ARID5B: variants seen among roughly 807,000 people sequenced by gnomAD.
The protein encoded by ARID5B is AT-rich interactive domain-containing protein 5B.
In ARID5B, 13 loss-of-function variants were observed where a neutral mutation model predicts 97.2. That is an observed-to-expected ratio of 0.13 (90% CI 0.09 to 0.21). The LOEUF (loss-of-function observed/expected upper bound fraction) is 0.21. ARID5B is among the 10% of genes least tolerant of loss of function. The probability of loss-of-function intolerance (pLI) is 1.00; values close to 1 mark genes in which losing one functional copy is unlikely to be tolerated. For synonymous variants in ARID5B, 556 were observed against 570.3 expected (o/e 0.97, Z 0.36); for missense variants, 1,210 against 1,465.3 (o/e 0.83, Z 2.84).
chr10:61,975,710 A>G (rs542084304), intron 3 of ARID5B, among the ~76,000 whole-genome samples: 2 of 152,300 alleles, frequency 1.3e-5, no homozygotes, highest in South Asian at 4.1e-4. Flanking sequence ...TTGTCATTGC[A>G]TTACTCTTAC....
chr10:62,049,585 G>C (rs1839758140), intron 4 of ARID5B: 1 of 1,482,742 alleles, frequency 6.7e-7, no homozygotes, highest in Admixed American at 2.0e-5. Flanking sequence ...CCAGCGTTTA[G>C]GGGAATGAGA....
intron 2 of ARID5B, among the ~76,000 whole-genome samples, chr10:61,935,760 A>G (rs1178097250): frequency 1.3e-5 from 2 of 152,230 alleles, no homozygotes; most frequent in African/African-American, 4.8e-5. Flanking sequence ...ATATAAACTC[A>G]TTATGTAAAT....
At chr10:61,922,241 C>T (rs534456616) in intron 2 of ARID5B, among the ~76,000 whole-genome samples, 6 of 152,094 alleles carry the variant, frequency 3.9e-5, no homozygotes, top group South Asian at 2.1e-4. Context: ...GATGAGAAAT[C>T]GGCAGAGAGA....
intron 8 of ARID5B, among the ~76,000 whole-genome samples, chr10:62,076,907 C>T (rs1840145353): frequency 6.6e-6 from 1 of 152,184 alleles, no homozygotes; most frequent in African/African-American, 2.4e-5. Context: ...CAGTCCTGAC[C>T]TGTGGCCCCT....
chr10:62,085,868 G>C lies in ARID5B; in HGVS notation c.1366G>C (p.Glu456Gln), dbSNP rs1198909219. The stretch of plus-strand genomic sequence containing the variant: ...AATACCTAAAAGCAAGAAAGAAAAA[G>C]AAAATGCCCCAAAGCCCCAGGATGC... ...HEIPKSKKEK[E>Q]NAPKPQDAAE... Residue 456 changes from glutamate (E) to glutamine (Q), a missense_variant, in exon 9 of 10, where the codon GAA becomes CAA. Coordinates refer to ENST00000279873, the MANE Select transcript of ARID5B (RefSeq NM_032199.3). The C allele has an allele frequency of 3.7e-6, 6 of 1,613,556 alleles. No individual in the cohort carries two copies. Among genetic ancestry groups the C allele is most frequent in the Non-Finnish European group, 5.1e-6 (6 of 1,179,928 alleles).
intron 4 of ARID5B, chr10:62,024,858 G>A (rs960310153): frequency 5.5e-6 from 2 of 363,414 alleles, no homozygotes; most frequent in Non-Finnish European, 4.9e-6. Context: ...TTAAAATATC[G>A]AGAATGGCTC....
intron 2 of ARID5B, among the ~76,000 whole-genome samples, chr10:61,930,587 G>A (rs1240412709): frequency 6.6e-6 from 1 of 151,898 alleles, no homozygotes; most frequent in Non-Finnish European, 1.5e-5. Flanking sequence ...GGGTGTGATG[G>A]CGGGCACCTG....
intron 2 of ARID5B, among the ~76,000 whole-genome samples, chr10:61,906,074 C>T (rs1026941232): frequency 6.6e-5 from 10 of 152,076 alleles, no homozygotes; most frequent in African/African-American, 1.9e-4. Flanking sequence ...AAAATGGGAA[C>T]AAAGTAGGGA....
chr10:61,985,967 A>G (rs535863579), intron 3 of ARID5B, among the ~76,000 whole-genome samples: 4 of 152,188 alleles, frequency 2.6e-5, no homozygotes, highest in Non-Finnish European at 4.4e-5. Flanking sequence ...TGAACACAAG[A>G]CTGGAAGAGA....
intron 4 of ARID5B, among the ~76,000 whole-genome samples, chr10:62,032,234 G>T (rs1412785417): frequency 3.3e-5 from 5 of 152,170 alleles, no homozygotes; most frequent in Non-Finnish European, 7.3e-5. Flanking sequence ...TCGGAGGATT[G>T]CTTGAGCCCA....
In ARID5B at chr10:61,902,176, T is replaced by C; in HGVS notation, c.39T>C (p.Cys13=). 6.2e-7 allele frequency: 1 copy of C among 1,612,890 alleles called. No homozygotes were observed. The highest frequency in any genetic ancestry group is 1.7e-5 in the Admixed American group (1 of 60,012). Residue 13 remains cysteine (C), a synonymous_variant, in exon 2 of 10, where the codon TGT becomes TGC. Coordinates refer to ENST00000279873, the MANE Select transcript of ARID5B (RefSeq NM_032199.3). ...CCCTGCAGTGGGTCGGCTCACCGTG[T>C]GGCTTGCACGGACCTTACATTTTCT... ...PNSLQWVGSP[C]GLHGPYIFYK...
At chr10:61,985,421 G>A (rs1838833779) in intron 3 of ARID5B, among the ~76,000 whole-genome samples, 1 of 151,888 alleles carries the variant, frequency 6.6e-6, no homozygotes, top group South Asian at 2.1e-4. Context: ...TTCCCTTGGT[G>A]TCTGACCAGC....
At position 62,091,275 on chromosome 10, in the gene ARID5B, G is replaced by A. The variant is rs117297247; in HGVS notation, c.1812G>A (p.Pro604=). The A allele has an allele frequency of 4.4e-3, 7,162 of 1,614,140 alleles. 243 individuals carry two copies. The East Asian group carries it at 0.064, about 14-fold the overall frequency. ...SFPSFPTTQP[P]LANQNETEDD... ...CCAGCTTCCCCACCACACAGCCACC[G>A]CTGGCAAACCAGAATGAGACGGAGG... is the stretch of plus-strand genomic sequence containing the variant. The change falls in exon 10 of 10, where the codon CCG becomes CCA. Residue 604 remains proline, a synonymous_variant. Coordinates refer to ENST00000279873, the MANE Select transcript of ARID5B (RefSeq NM_032199.3).
At chr10:61,973,374 A>G (rs1255251709) in intron 3 of ARID5B, among the ~76,000 whole-genome samples, 1 of 152,214 alleles carries the variant, frequency 6.6e-6, no homozygotes, top group Non-Finnish European at 1.5e-5. Context: ...TATCCTGATG[A>G]TGTCACAATG....
intron 2 of ARID5B, among the ~76,000 whole-genome samples, chr10:61,910,088 A>G (rs374118155): frequency 6.6e-6 from 1 of 152,230 alleles, no homozygotes; most frequent in Non-Finnish European, 1.5e-5. Flanking sequence ...ACTAAGCCAC[A>G]TGTTTGATAG....
At chr10:62,056,931 G>C (rs1221018783) in intron 5 of ARID5B, among the ~76,000 whole-genome samples, 186 bp from the exon 6 acceptor site, 2 of 152,154 alleles carry the variant, frequency 1.3e-5, no homozygotes, top group Non-Finnish European at 2.9e-5. Context: ...ACAGAAATTT[G>C]ACATCCCCTG....
intron 4 of ARID5B, among the ~76,000 whole-genome samples, chr10:62,025,674 G>T (rs903439749): frequency 1.3e-5 from 2 of 152,152 alleles, no homozygotes; most frequent in Non-Finnish European, 2.9e-5. Flanking sequence ...AATCACTCTT[G>T]ATCAAGTCAC....
At chr10:61,905,303 A>G (rs764937078) in intron 2 of ARID5B, among the ~76,000 whole-genome samples, 2 of 152,240 alleles carry the variant, frequency 1.3e-5, no homozygotes, top group Non-Finnish European at 2.9e-5. Flanking sequence ...AGGACTCAGT[A>G]TGCTTTTTTT....
chr10:62,032,357 T>A (rs959150092), intron 4 of ARID5B, among the ~76,000 whole-genome samples: 12 of 152,160 alleles, frequency 7.9e-5, no homozygotes, highest in Non-Finnish European at 1.8e-4. Flanking sequence ...CTATTTAATG[T>A]CAGGAACTAT....
Sources: gnomAD v4.1 joint callset for allele counts (sites outside exome capture counted in the v4.1 genomes callset) on GRCh38, gnomAD v4.1.1 for gene constraint, MANE v1.5 for transcripts, NCBI Gene and HGNC (gene_info 2026-07-23, HGNC 2026-07-21) for gene names.